NFASC: variants seen among roughly 807,000 people sequenced by gnomAD.
The protein encoded by NFASC is neurofascin homolog.
Under a neutral mutation model 147.5 loss-of-function variants are expected in NFASC, and 43 were observed. The ratio of observed to expected loss-of-function variants is 0.29; its 90% CI spans 0.23 to 0.38. The LOEUF (loss-of-function observed/expected upper bound fraction) is 0.38. Ranked by LOEUF, NFASC falls within the 10% of genes least tolerant of loss-of-function variation. NFASC has a pLI of 1.00. For missense variants in NFASC, 1,320 were observed against 1,689.0 expected, an observed-to-expected ratio of 0.78 and a Z score of 3.83; for synonymous variants, 622 against 665.5, an observed-to-expected ratio of 0.93 and a Z score of 1.01.
intron 16 of NFASC, among the ~76,000 whole-genome samples, 158 bp from the exon 17 acceptor site, chr1:204,977,523 G>A (rs1393590002): frequency 1.3e-5 from 2 of 152,214 alleles, no homozygotes; most frequent in African/African-American, 2.4e-5. Context: ...GCCTCTATAA[G>A]GGTAGGGGAT....
chr1:204,973,624 A>C (rs1398115954), intron 12 of NFASC, among the ~76,000 whole-genome samples: 1 of 152,242 alleles, frequency 6.6e-6, no homozygotes, highest in Non-Finnish European at 1.5e-5. Context: ...GGAAGTTAGC[A>C]GATCATCTGG....
Position 205,001,183 on chromosome 1 carries a change from G to A in NFASC, c.3033G>A (p.Gln1011=), listed in dbSNP as rs761620830. Residue 1011 remains glutamine, a synonymous_variant, in exon 26 of 30, where the codon CAG becomes CAA. Coordinates refer to ENST00000339876, the MANE Select transcript of NFASC (RefSeq NM_001005388.3). ...CCCGTCCACCAGCCCCTGATGAGCA[G>A]TCCATATGGAACGTCACGGTGCTCC... ...TKIHESAPDE[Q]SIWNVTVLPN... is the part of the protein sequence containing the mutation. 26 of 1,608,926 alleles carry A rather than the reference G, an allele frequency of 1.6e-5. No homozygotes were observed. In the South Asian group the frequency reaches 2.3e-4, roughly 14 times the overall value.
chr1:204,958,111 G>T, intron 8 of NFASC, among the ~76,000 whole-genome samples: 1 of 152,224 alleles, frequency 6.6e-6, no homozygotes, highest in South Asian at 2.1e-4. Context: ...CCAGCCTATC[G>T]TACCTCAACA....
chr1:204,952,643 AG>A (rs1385569373), intron 5 of NFASC, among the ~76,000 whole-genome samples: 1 of 152,214 alleles, frequency 6.6e-6, no homozygotes, highest in East Asian at 1.9e-4. Flanking sequence ...GGAGGGGAAA[AG>A]GGGTACAAAG....
intron 3 of NFASC, chr1:204,946,234 A>T (rs540634711): frequency 2.7e-5 from 12 of 445,464 alleles, no homozygotes; most frequent in South Asian, 1.5e-4. Flanking sequence ...CAAAAAAGAA[A>T]CCACTGGAAT....
At chr1:204,831,309 A>C (rs534349459) in intron 1 of NFASC, among the ~76,000 whole-genome samples, 8 of 151,270 alleles carry the variant, frequency 5.3e-5, no homozygotes, top group South Asian at 4.3e-4. Flanking sequence ...CTGGAGCAAG[A>C]CCTTCCAATT....
intron 1 of NFASC, among the ~76,000 whole-genome samples, chr1:204,829,163 C>T (rs1671483151): frequency 6.7e-6 from 1 of 149,898 alleles, no homozygotes; most frequent in African/African-American, 2.5e-5. Flanking sequence ...GACCCCATGC[C>T]TCCTGTATTT....
intron 1 of NFASC, among the ~76,000 whole-genome samples, chr1:204,848,893 T>A (rs1298957198): frequency 6.6e-6 from 1 of 152,208 alleles, no homozygotes. Flanking sequence ...ATAAGTTAAA[T>A]AATCTGCGAT....
In NFASC at chr1:204,972,252, C is replaced by T. The variant is rs188667611; in HGVS notation, c.1136-1024C>T. On this transcript the variant is annotated intron_variant, in intron 11 of 29. Transcript: ENST00000339876. ...GAGTCATCTTGAATGCGTTCATGTA[C>T]TCTGTAAGCTAAGTCATCAGCTTCC... Among the ~76,000 whole-genome samples the T allele has an allele frequency of 1.3e-3, 201 of 152,332 alleles. 1 individual carries two copies. The highest frequency in any genetic ancestry group is 3.1e-3 in the Admixed American group (48 of 15,304).
chr1:204,988,927 A>G (rs1463350158), intron 23 of NFASC, 121 bp downstream of exon 23: 3 of 890,524 alleles, frequency 3.4e-6, no homozygotes, highest in Non-Finnish European at 5.4e-6. Context: ...GCAAGTCCTC[A>G]AGCCCTCGGA....
chr1:204,862,194 C>G (rs2076736389), intron 1 of NFASC, among the ~76,000 whole-genome samples: 1 of 152,158 alleles, frequency 6.6e-6, no homozygotes, highest in Admixed American at 6.5e-5. Flanking sequence ...CATCACCCAC[C>G]ATCTTTCCCA....
intron 1 of NFASC, among the ~76,000 whole-genome samples, chr1:204,830,815 G>C (rs1672010346): frequency 6.6e-6 from 1 of 152,224 alleles, no homozygotes; most frequent in South Asian, 2.1e-4. Context: ...GAGGCGTTAA[G>C]AGCGAATTGC....
Position 204,968,038 on chromosome 1 carries a change from C to T in NFASC, c.707-211C>T, listed in dbSNP as rs2095056529. 1.9e-6 allele frequency: 1 copy of T among 524,506 alleles called. No individual in the cohort carries two copies. The highest frequency in any genetic ancestry group is 3.3e-5 in the East Asian group (1 of 30,298). The allele number at this position is 524,506 out of a possible 1,614,324, so 32.5% of individuals were successfully genotyped here. A position where few individuals can be genotyped will look rare whatever the true frequency, so the allele number is the denominator to read the frequency against. The stretch of plus-strand genomic sequence containing the variant: ...TCCTCCAGGCAGATCCTTTCAGAAC[C>T]TAGAGCTCCTCTCTCTCATGTAGGT... On this transcript the variant is annotated intron_variant, in intron 8 of 29. Transcript: ENST00000339876. This position sits in a 1 kb window ranked among gnomAD's most constrained non-coding sequence, Gnocchi z 5.4.
At chr1:204,848,175 G>T (rs1333307379) in intron 1 of NFASC, among the ~76,000 whole-genome samples, 1 of 152,180 alleles carries the variant, frequency 6.6e-6, no homozygotes, top group South Asian at 2.1e-4. Flanking sequence ...CTCTTAGCAG[G>T]TGCTCAGTTG....
chr1:205,001,716 C>A (rs4951153), intron 26 of NFASC, among the ~76,000 whole-genome samples: 32,814 of 152,080 alleles, frequency 0.22, 3,711 homozygotes, highest in South Asian at 0.27. Context: ...ATGCCAGCGG[C>A]CCCCAGTCAG....
intron 2 of NFASC, among the ~76,000 whole-genome samples, chr1:204,921,407 G>C (rs1157804506): frequency 6.6e-6 from 1 of 152,236 alleles, no homozygotes; most frequent in Admixed American, 6.5e-5. Flanking sequence ...GCTGGGCTGA[G>C]AGGGTCTGGG....
intron 1 of NFASC, among the ~76,000 whole-genome samples, chr1:204,856,514 A>G (rs889972326): frequency 2.0e-5 from 3 of 152,120 alleles, no homozygotes; most frequent in Admixed American, 1.3e-4. Flanking sequence ...TAAGTTATTG[A>G]GGTAAAATTT....
chr1:204,880,080 C>T (rs1315306489), intron 1 of NFASC, among the ~76,000 whole-genome samples: 3 of 152,158 alleles, frequency 2.0e-5, no homozygotes, highest in Non-Finnish European at 4.4e-5. Flanking sequence ...CTAGTTATCT[C>T]AGTAGCAGGG....
At chr1:204,936,082 C>A (rs548591186) in intron 2 of NFASC, among the ~76,000 whole-genome samples, 181 of 152,194 alleles carry the variant, frequency 1.2e-3, no homozygotes, top group Admixed American at 2.1e-3. Flanking sequence ...CCCACCTGTT[C>A]TCCTCCTGCC....
Sources: gnomAD v4.1 joint callset for allele counts (sites outside exome capture counted in the v4.1 genomes callset) on GRCh38, gnomAD v4.1.1 for gene constraint, Gnocchi (gnomAD v3.1) non-coding constraint, MANE v1.5 for transcripts, NCBI Gene and HGNC (gene_info 2026-07-23, HGNC 2026-07-21) for gene names.